Variants in DNAJC10 observed in about 807,000 individuals in gnomAD.
DNAJC10 encodes endoplasmic reticulum disulfide reductase DNAJC10.
A neutral mutation model predicts 115.0 loss-of-function variants in DNAJC10; 101 were observed. The observed-to-expected ratio is 0.88, with a 90% confidence interval of 0.75 to 1.04. The LOEUF is 1.04. Ranked by LOEUF, DNAJC10 falls within the 50% of genes least tolerant of loss-of-function variation. The probability of loss-of-function intolerance (pLI) is 0.00; values close to 1 mark genes in which losing one functional copy is unlikely to be tolerated. For synonymous variants in DNAJC10, 307 were observed against 301.5 expected (o/e 1.02, Z -0.19); for missense variants, 981 against 928.8 (o/e 1.06, Z -0.73).
Position 182,777,176 on chromosome 2 carries a change from A to G in DNAJC10, c.*44A>G. On this transcript the variant is annotated 3_prime_UTR_variant, in exon 24 of 24. Coordinates refer to ENST00000264065, the MANE Select transcript of DNAJC10 (RefSeq NM_018981.4). Reference sequence around the variant, plus strand: ...AAAAGTTTAAAAGAAATTCTGACAGATGACATCAGAAGACACCTATTTAGA... The same window carrying G: ...AAAAGTTTAAAAGAAATTCTGACAGGTGACATCAGAAGACACCTATTTAGA... 7.9e-7 allele frequency: 1 copy of G among 1,258,220 alleles called. No homozygotes were observed. Among genetic ancestry groups the G allele is most frequent in the South Asian group, 1.8e-5 (1 of 56,864 alleles). 77.9% of individuals were successfully genotyped at this position (1,258,220 alleles called of 1,614,324 possible).
At chr2:182,744,319 G>A (rs952326847) in intron 14 of DNAJC10, among the ~76,000 whole-genome samples, 1 of 152,100 alleles carries the variant, frequency 6.6e-6, no homozygotes. Context: ...ATGCCCATTA[G>A]CACCTAGCAC....
At chr2:182,739,976 G>T in intron 11 of DNAJC10, 1 of 998,516 alleles carries the variant, frequency 1.0e-6, no homozygotes, top group African/African-American at 1.7e-5. Context: ...GGTTTTTCTT[G>T]ATGATTGGGA....
chr2:182,759,811 CTG>C (rs1054865579), intron 21 of DNAJC10, among the ~76,000 whole-genome samples: 3 of 152,090 alleles, frequency 2.0e-5, no homozygotes, highest in African/African-American at 4.8e-5. Context: ...ATACCAAAAT[CTG>C]TGCAGCTCAG....
At position 182,740,373 on chromosome 2, in the gene DNAJC10, G is replaced by A. The variant is rs200295491; in HGVS notation, c.1062G>A (p.Ser354=). 120 of 1,571,582 alleles carry A rather than the reference G, an allele frequency of 7.6e-5. 2 individuals are homozygous for A. The Middle Eastern group carries it at 1.0e-3, about 13-fold the overall frequency. The change falls in exon 12 of 24, where the codon TCG becomes TCA. Residue 354 remains serine (S), a synonymous_variant. Coordinates refer to ENST00000264065, the MANE Select transcript of DNAJC10 (RefSeq NM_018981.4). ...IHNLPDFELL[S]ANTLEDRLAH... ...ATCTTCCAGATTTTGAACTACTTTC[G>A]GCAAACACACTAGAGGTAATGTTTT...
intron 5 of DNAJC10, among the ~76,000 whole-genome samples, chr2:182,722,661 A>T (rs1693181490): frequency 6.6e-6 from 1 of 152,174 alleles, no homozygotes. Flanking sequence ...AAATACAGCC[A>T]GGCGCGGTGG....
intron 22 of DNAJC10, among the ~76,000 whole-genome samples, chr2:182,772,764 G>A (rs556281273): frequency 3.9e-5 from 6 of 152,262 alleles, no homozygotes; most frequent in African/African-American, 1.4e-4. Flanking sequence ...CCTGAATACA[G>A]CACACTGATG....
At chr2:182,753,143 T>G (rs1287797552) in intron 16 of DNAJC10, among the ~76,000 whole-genome samples, 1 of 152,164 alleles carries the variant, frequency 6.6e-6, no homozygotes, top group East Asian at 1.9e-4. Flanking sequence ...ATCTGAAATT[T>G]GCTTTAAAAT....
rs756375421 is a variant in DNAJC10 at position 182,720,091 on chromosome 2, G to C, written c.289G>C (p.Asp97His). The part of the protein sequence containing the change: ...LKDEDLRKKY[D>H]KYGEKGLEDN... ...AGATGAAGATCTACGGAAAAAGTAT[G>C]ACAAATATGGAGAAAAGGGACTTGA... is the stretch of plus-strand genomic sequence containing the variant. Residue 97 changes from aspartate (D) to histidine (H), a missense_variant, in exon 4 of 24, where the codon GAC becomes CAC. Asp to His is a moderately conservative substitution (Grantham distance 81, BLOSUM62 -1). Transcript: ENST00000264065. 6.2e-7 allele frequency: 1 copy of C among 1,610,604 alleles called. No individual in the cohort carries two copies. Among genetic ancestry groups the C allele is most frequent in the Non-Finnish European group, 8.5e-7 (1 of 1,177,428 alleles).
intron 22 of DNAJC10, among the ~76,000 whole-genome samples, chr2:182,774,983 G>A (rs1694666196): frequency 1.3e-5 from 2 of 151,996 alleles, no homozygotes; most frequent in Non-Finnish European, 2.9e-5. Context: ...TTCCTACTCA[G>A]CCATCTTGGA....
intron 22 of DNAJC10, among the ~76,000 whole-genome samples, chr2:182,765,483 A>G (rs1319296425): frequency 6.6e-6 from 1 of 152,118 alleles, no homozygotes; most frequent in Admixed American, 6.6e-5. Flanking sequence ...CCACCCCAAC[A>G]TCCATGTTTG....
intron 22 of DNAJC10, among the ~76,000 whole-genome samples, chr2:182,771,596 T>A (rs1229986833): frequency 6.6e-6 from 1 of 152,230 alleles, no homozygotes; most frequent in Non-Finnish European, 1.5e-5. Context: ...TTCTTCTAGC[T>A]TTTCTAGTTT....
At chr2:182,766,556 T>G (rs1482031703) in intron 22 of DNAJC10, among the ~76,000 whole-genome samples, 1 of 152,176 alleles carries the variant, frequency 6.6e-6, no homozygotes, top group African/African-American at 2.4e-5. Context: ...GCTCTGGCTT[T>G]CTTGCTACCC....
chr2:182,720,797 C>T (rs546249550), intron 4 of DNAJC10, among the ~76,000 whole-genome samples: 1 of 152,046 alleles, frequency 6.6e-6, no homozygotes, highest in Admixed American at 6.5e-5. Context: ...TAATTTCTTT[C>T]AATATATTTT....
Position 182,794,155 on chromosome 2 carries a change from G to A in DNAJC10, c.*17023G>A, listed in dbSNP as rs949956358. 4 of 152,300 alleles carry A rather than the reference G, an allele frequency of 2.6e-5. No individual in the cohort carries two copies. The highest frequency in any genetic ancestry group is 4.4e-5 in the Non-Finnish European group (3 of 68,112). The allele number at this position is 152,300 out of a possible 1,614,324, so 9.4% of individuals were successfully genotyped here. ...AATCCACAGGACAGCAGCTAAGTAG[G>A]AGGCCTAAACATCACCTGGGGCAGA... On this transcript the variant is annotated 3_prime_UTR_variant, in exon 24 of 24. Coordinates refer to ENST00000264065, the MANE Select transcript of DNAJC10 (RefSeq NM_018981.4).
At chr2:182,743,137 G>C (rs1341886240) in intron 13 of DNAJC10, among the ~76,000 whole-genome samples, 2 of 152,178 alleles carry the variant, frequency 1.3e-5, no homozygotes. Context: ...ATGAGCCAAT[G>C]CGCCTGGCCC....
intron 19 of DNAJC10, among the ~76,000 whole-genome samples, 160 bp from the exon 20 acceptor site, chr2:182,758,677 C>T (rs1009317002): frequency 6.6e-6 from 1 of 152,060 alleles, no homozygotes; most frequent in African/African-American, 2.4e-5. Context: ...TTTGTGAGGC[C>T]TTATAACCAG....
chr2:182,768,667 A>G (rs1694478284), intron 22 of DNAJC10, among the ~76,000 whole-genome samples: 2 of 152,114 alleles, frequency 1.3e-5, no homozygotes, highest in South Asian at 4.1e-4. Context: ...GGATATGCTG[A>G]CCTGTTCCTT....
In DNAJC10 at chr2:182,780,545, G is replaced by A. The variant is rs1694821406; in HGVS notation, c.*3413G>A. The A allele has an allele frequency of 6.6e-6, 1 of 152,036 alleles. No homozygotes were observed. The highest frequency in any genetic ancestry group is 2.4e-5 in the African/African-American group (1 of 41,380). The allele number at this position is 152,036 out of a possible 1,614,324, so 9.4% of individuals were successfully genotyped here. On this transcript the variant is annotated 3_prime_UTR_variant, in exon 24 of 24. Coordinates refer to ENST00000264065, the MANE Select transcript of DNAJC10 (RefSeq NM_018981.4). ...TTCTTTATAAGGTAACCAGTCCCAG[G>A]TATTCCTTCATTGCAATGCAAAACA...
chr2:182,724,042 C>CAAG, intron 5 of DNAJC10, among the ~76,000 whole-genome samples: 1 of 151,980 alleles, frequency 6.6e-6, no homozygotes, highest in African/African-American at 2.4e-5. Context: ...CAAATGCCTT[C>CAAG]TAAGCTCTTC....
Sources: allele counts gnomAD v4.1 joint callset (sites outside exome capture counted in the v4.1 genomes callset), GRCh38; gene constraint gnomAD v4.1.1; transcripts MANE v1.5; gene names NCBI Gene and HGNC (gene_info 2026-07-23, HGNC 2026-07-21).